Variants in EMSY observed in about 807,000 individuals in gnomAD.
The protein encoded by EMSY is BRCA2-interacting transcriptional repressor EMSY.
In EMSY, 26 loss-of-function variants were observed where a neutral mutation model predicts 134.6. The observed-to-expected ratio is 0.19, with a 90% CI of 0.14 to 0.27. The LOEUF (loss-of-function observed/expected upper bound fraction) is 0.27, where lower values mean the gene tolerates loss of function less well. EMSY is among the 10% of genes least tolerant of loss of function. The pLI is 1.00. For synonymous variants in EMSY, 579 were observed against 577.8 expected, an observed-to-expected ratio of 1.00 and a Z score of -0.03; for missense variants, 1,305 against 1,611.4, an observed-to-expected ratio of 0.81 and a Z score of 3.26.
chr11:76,546,376 C>T, intron 20 of EMSY, 79 bp downstream of exon 21: 1 of 1,492,884 alleles, frequency 6.7e-7, no homozygotes, highest in South Asian at 1.4e-5. Flanking sequence ...TGACTTGTCA[C>T]AGGAAGAATC....
chr11:76,481,929 C>G (rs1345440970), intron 8 of EMSY, among the ~76,000 whole-genome samples: 3 of 152,222 alleles, frequency 2.0e-5, no homozygotes. Flanking sequence ...AAGTGGGTTC[C>G]TGACCTCCAT....
At chr11:76,509,670 G>A (rs1376783874) in intron 9 of EMSY, among the ~76,000 whole-genome samples, 2 of 152,118 alleles carry the variant, frequency 1.3e-5, no homozygotes, top group Admixed American at 6.5e-5. Context: ...GTTAAAGGTG[G>A]GGGGGAAAGC....
chr11:76,516,946 G>A (rs1388808717), intron 11 of EMSY: 1 of 152,100 alleles, frequency 6.6e-6, no homozygotes, highest in East Asian at 1.9e-4. Context: ...AACCATACCT[G>A]GTTTTTATTG....
At chr11:76,450,168 CAGGATTAG>C (rs1217799735) in intron 2 of EMSY, among the ~76,000 whole-genome samples, 3 of 151,728 alleles carry the variant, frequency 2.0e-5, no homozygotes, top group African/African-American at 7.3e-5. Flanking sequence ...TCCCTGAGGG[CAGGATTAG>C]CGCACCATTT....
At chr11:76,493,832 G>A (rs1291525934) in intron 8 of EMSY, among the ~76,000 whole-genome samples, 2 of 152,190 alleles carry the variant, frequency 1.3e-5, no homozygotes, top group African/African-American at 2.4e-5. Flanking sequence ...GCCAAATGCC[G>A]GGACTGAAAG....
At chr11:76,461,388 T>A (rs370074816) in intron 6 of EMSY, among the ~76,000 whole-genome samples, 1 of 152,350 alleles carries the variant, frequency 6.6e-6, no homozygotes, top group East Asian at 1.9e-4. Context: ...TATATTTTAT[T>A]ACTAATTTCA....
At chr11:76,547,659 G>T (rs1295823791) in intron 20 of EMSY, among the ~76,000 whole-genome samples, 1 of 152,196 alleles carries the variant, frequency 6.6e-6, no homozygotes, top group Admixed American at 6.6e-5. Flanking sequence ...GCTCATAGTT[G>T]TTGTCTAACA....
At chr11:76,468,155 T>C (rs944167987) in intron 7 of EMSY, among the ~76,000 whole-genome samples, 2 of 152,140 alleles carry the variant, frequency 1.3e-5, no homozygotes, top group Non-Finnish European at 2.9e-5. Flanking sequence ...GACTTTACCA[T>C]ATATTTATTT....
At position 76,459,958 on chromosome 11, in the gene EMSY, T is replaced by G. The variant is rs766093465; in HGVS notation, c.444T>G (p.Ser148Arg). 3 of 1,614,058 alleles carry G rather than the reference T, an allele frequency of 1.9e-6. No homozygotes were observed. The Admixed American group carries it at 5.0e-5, about 27-fold the overall frequency. ...TAGTGGTTTGCTATTCCTACACAAG[T>G]ACCACGTCAACCCCAACCTCTACCC... is the stretch of plus-strand genomic sequence containing the variant. The change falls in exon 6 of 21, where the codon AGT becomes AGG. Residue 148 changes from serine to arginine, a missense_variant. By Grantham distance (110) the Ser-to-Arg change is moderately radical. Coordinates refer to ENST00000334736, the Ensembl canonical transcript of EMSY.
intron 12 of EMSY, among the ~76,000 whole-genome samples, chr11:76,524,296 T>C (rs928719062): frequency 7.9e-5 from 12 of 152,198 alleles, no homozygotes; most frequent in Admixed American, 2.0e-4. Flanking sequence ...GCCTGGCCCA[T>C]AAGAAGTCCT....
intron 8 of EMSY, among the ~76,000 whole-genome samples, chr11:76,478,704 T>G (rs1948860751): frequency 6.6e-6 from 1 of 151,936 alleles, no homozygotes; most frequent in African/African-American, 2.4e-5. Context: ...GCATGCTTTC[T>G]TCATATATCG....
intron 14 of EMSY, among the ~76,000 whole-genome samples, chr11:76,529,289 A>G (rs991681546): frequency 6.6e-6 from 1 of 151,896 alleles, no homozygotes. Context: ...CACTCTCTCC[A>G]TTCCCTCTCT....
Position 76,529,077 on chromosome 11 carries a change from G to A in EMSY, c.2194+611G>A, listed in dbSNP as rs1939468. ...CTACAGCAGAAAACTCTTTGTCCTC[G>A]GTGCTGTTTGAATTATGTTACTCTT... On this transcript the variant is annotated intron_variant, in intron 14 of 20. Transcript: ENST00000334736. Among the ~76,000 whole-genome samples, 5 of 151,974 alleles carry A rather than the reference G, an allele frequency of 3.3e-5. No homozygotes were observed. In the South Asian group the frequency reaches 6.2e-4, roughly 19 times the overall value.
chr11:76,512,271 C>T (rs994055868), intron 9 of EMSY, among the ~76,000 whole-genome samples: 3 of 152,060 alleles, frequency 2.0e-5, no homozygotes, highest in Admixed American at 6.5e-5. Flanking sequence ...CCCGAGAATA[C>T]TTGCTGGTGG....
At chr11:76,532,270 G>C (rs1951069810) in intron 14 of EMSY, among the ~76,000 whole-genome samples, 1 of 151,952 alleles carries the variant, frequency 6.6e-6, no homozygotes, top group Admixed American at 6.6e-5. Context: ...TGAACAAATA[G>C]CAGAGCAGCA....
chr11:76,535,377 G>A (rs559539046), intron 14 of EMSY, among the ~76,000 whole-genome samples: 4 of 152,232 alleles, frequency 2.6e-5, no homozygotes, highest in African/African-American at 9.6e-5. Context: ...ATTTCCTTCA[G>A]TAATTCAGCC....
intron 18 of EMSY, 39 bp from the exon 20 acceptor site, chr11:76,544,220 T>G (rs747047112): frequency 5.3e-5 from 81 of 1,536,702 alleles, no homozygotes; most frequent in Non-Finnish European, 6.5e-5. Context: ...TGTAGATGTT[T>G]TTCTTATTTC....
intron 9 of EMSY, among the ~76,000 whole-genome samples, chr11:76,510,457 G>A (rs755461263): frequency 1.8e-4 from 28 of 152,220 alleles, no homozygotes; most frequent in Non-Finnish European, 2.9e-4. Flanking sequence ...TCTAGGGTGG[G>A]GTAAGTGACA....
At chr11:76,512,443 T>C (rs1326815224) in intron 9 of EMSY, among the ~76,000 whole-genome samples, 3 of 152,176 alleles carry the variant, frequency 2.0e-5, no homozygotes, top group East Asian at 1.9e-4. Context: ...TTACAAAATA[T>C]AGTAATTCTC....
Sources: gnomAD v4.1 joint callset for allele counts (sites outside exome capture counted in the v4.1 genomes callset) on GRCh38, gnomAD v4.1.1 for gene constraint, MANE v1.5 for transcripts, NCBI Gene and HGNC (gene_info 2026-07-23, HGNC 2026-07-21) for gene names.